The following RAB3GAP1 variants were observed in gnomAD, a reference collection of about 807,000 sequenced individuals.
RAB3GAP1 encodes RAB3 GTPase activating protein catalytic subunit 1.
A neutral mutation model predicts 130.7 loss-of-function variants in RAB3GAP1; 86 were observed. The ratio of observed to expected loss-of-function variants is 0.66; its 90% CI spans 0.55 to 0.79. The LOEUF (loss-of-function observed/expected upper bound fraction) is 0.79, where lower values mean the gene tolerates loss of function less well. RAB3GAP1 is among the 30% of genes least tolerant of loss of function. The pLI is 0.00. For missense variants in RAB3GAP1, 1,029 were observed against 1,169.4 expected (o/e 0.88, Z 1.75); for synonymous variants, 367 against 401.7 (o/e 0.91, Z 1.03).
chr2:135,081,911 C>T (rs549535643), intron 3 of RAB3GAP1, among the ~76,000 whole-genome samples: 4 of 152,064 alleles, frequency 2.6e-5, no homozygotes, highest in Middle Eastern at 3.4e-3. Context: ...GAGGCCGAGA[C>T]GGGTGGATCA....
In RAB3GAP1 at chr2:135,162,645, G is replaced by A. The variant is rs1041952387; in HGVS notation, c.2380G>A (p.Glu794Lys). 6.2e-7 allele frequency: 1 copy of A among 1,613,714 alleles called. No homozygotes were observed. The highest frequency in any genetic ancestry group is 1.7e-5 in the Admixed American group (1 of 60,018). The change falls in exon 20 of 24, where the codon GAA becomes AAA. Residue 794 changes from glutamate (E) to lysine (K), a missense_variant. Coordinates refer to ENST00000264158, the MANE Select transcript of RAB3GAP1 (RefSeq NM_012233.3). ...VIHAAVLKVK[E>K]EESLENISSV... ...TCATGCAGCTGTACTCAAGGTAAAG[G>A]AAGAAGGTAAATGTCATATTTAACT...
intron 17 of RAB3GAP1, among the ~76,000 whole-genome samples, chr2:135,136,324 C>T (rs1285560371): frequency 6.6e-6 from 1 of 151,158 alleles, no homozygotes; most frequent in African/African-American, 2.4e-5. Context: ...AGACTCTTGT[C>T]TCAAAAGAAA....
chr2:135,163,017 C>A lies in RAB3GAP1; in HGVS notation c.2522C>A (p.Ala841Asp), dbSNP rs1458812220. ...ATTCACCAGATTACTAATGTGGAAG[C>A]TCTCATTGCCAGAGCTCGGTCACTA... is the stretch of plus-strand genomic sequence containing the variant. ...EIIHQITNVE[A>D]LIARARSLKA... is the part of the protein sequence containing the mutation. Residue 841 changes from alanine (A) to aspartate (D), a missense_variant, in exon 22 of 24, where the codon GCT (alanine) becomes GAT (aspartate). By Grantham distance (126) the Ala-to-Asp change is moderately radical. Coordinates refer to ENST00000264158, the MANE Select transcript of RAB3GAP1 (RefSeq NM_012233.3). The A allele has an allele frequency of 6.2e-7, 1 of 1,613,888 alleles. No individual in the cohort carries two copies. The highest frequency in any genetic ancestry group is 1.7e-5 in the Admixed American group (1 of 60,026).
chr2:135,144,089 G>C (rs1439674389), intron 17 of RAB3GAP1, among the ~76,000 whole-genome samples: 1 of 152,214 alleles, frequency 6.6e-6, no homozygotes, highest in Non-Finnish European at 1.5e-5. Flanking sequence ...CGCCAGGCTT[G>C]TGCACCAGCT....
At position 135,135,621 on chromosome 2, in the gene RAB3GAP1, G is replaced by A. The variant is rs886044622; in HGVS notation, c.1612G>A (p.Ala538Thr). ...KARDEGKKTS[A>T]SDVTNIYPGD... ...ACGTGATGAGGGGAAAAAGACAAGT[G>A]CTTCAGATGTCACTAATATATATCC... Residue 538 changes from alanine to threonine, a missense_variant, in exon 17 of 24, where the codon GCT becomes ACT. Ala to Thr is a moderately conservative substitution (Grantham distance 58). Coordinates refer to ENST00000264158, the MANE Select transcript of RAB3GAP1 (RefSeq NM_012233.3). 1.3e-5 allele frequency: 21 copies of A among 1,611,016 alleles called. No individual in the cohort carries two copies. Among genetic ancestry groups the A allele is most frequent in the African/African-American group, 2.7e-5 (2 of 74,596 alleles).
chr2:135,084,578 C>T (rs1243263050), intron 3 of RAB3GAP1, among the ~76,000 whole-genome samples: 1 of 152,004 alleles, frequency 6.6e-6, no homozygotes. Context: ...GGGTTGTTTG[C>T]TATTTCAGCT....
At chr2:135,166,033 G>A (rs913547430) in intron 23 of RAB3GAP1, among the ~76,000 whole-genome samples, 4 of 152,032 alleles carry the variant, frequency 2.6e-5, no homozygotes, top group Non-Finnish European at 4.4e-5. Flanking sequence ...TTAGCTGGGC[G>A]TGGTGGTGAG....
At position 135,052,333 on chromosome 2, in the gene RAB3GAP1, C is replaced by T; in HGVS notation, c.18+8C>T. Reference sequence around the variant, plus strand: ...ATGGCTGCCGACAGTGAGGTGATTTCTTTGCTCCCTACTTAATCCTTGTCA... The same window carrying T: ...ATGGCTGCCGACAGTGAGGTGATTTTTTTGCTCCCTACTTAATCCTTGTCA... On this transcript the variant is annotated splice_region_variant and intron_variant, in intron 1 of 23. Coordinates refer to ENST00000264158, the MANE Select transcript of RAB3GAP1 (RefSeq NM_012233.3). The T allele has an allele frequency of 6.2e-7, 1 of 1,614,066 alleles. No homozygotes were observed. Among genetic ancestry groups the T allele is most frequent in the Non-Finnish European group, 8.5e-7 (1 of 1,180,012 alleles).
intron 3 of RAB3GAP1, among the ~76,000 whole-genome samples, chr2:135,059,518 T>C (rs2104824061): frequency 6.6e-6 from 1 of 152,284 alleles, no homozygotes; most frequent in Non-Finnish European, 1.5e-5. Context: ...TTTTTTAAAT[T>C]GATATATGAT....
In RAB3GAP1 at chr2:135,164,681, T is replaced by C; in HGVS notation, c.2694T>C (p.Phe898=). Residue 898 remains phenylalanine, a synonymous_variant, in exon 23 of 24, where the codon TTT becomes TTC. Transcript: ENST00000264158. ...GHAGRIIHKL[F]VNAQRAAAMT... is the part of the protein sequence containing the mutation. The stretch of plus-strand genomic sequence containing the variant: ...CTGGCAGGATCATTCACAAGCTGTT[T>C]GTGAATGCCCAGAGGGTATGTGAGA... 1 of 1,608,326 alleles carries C rather than the reference T, an allele frequency of 6.2e-7. No individual in the cohort carries two copies. Among genetic ancestry groups the C allele is most frequent in the Non-Finnish European group, 8.5e-7 (1 of 1,175,120 alleles).
chr2:135,125,668 A>ATTGTC (rs1691328043), intron 9 of RAB3GAP1, among the ~76,000 whole-genome samples: 1 of 152,244 alleles, frequency 6.6e-6, no homozygotes, highest in Non-Finnish European at 1.5e-5. Context: ...GGCAGGTAGC[A>ATTGTC]TAGACAGTGT....
chr2:135,151,367 A>G (rs1260970257), intron 18 of RAB3GAP1, among the ~76,000 whole-genome samples: 2 of 152,070 alleles, frequency 1.3e-5, no homozygotes, highest in Non-Finnish European at 2.9e-5. Context: ...CTGCTTCTGT[A>G]CTGTTTAGGC....
downstream of RAB3GAP1, among the ~76,000 whole-genome samples, chr2:135,173,257 A>C (rs1012165140): frequency 4.6e-5 from 7 of 151,970 alleles, no homozygotes; most frequent in Non-Finnish European, 1.5e-5. Context: ...ATAAATTGGG[A>C]AACATAGATA....
At chr2:135,084,195 A>C (rs1249309713) in intron 3 of RAB3GAP1, among the ~76,000 whole-genome samples, 1 of 152,204 alleles carries the variant, frequency 6.6e-6, no homozygotes, top group African/African-American at 2.4e-5. Flanking sequence ...CAATGAGCCG[A>C]GATCACTCCA....
At chr2:135,076,262 T>C (rs1689633262) in intron 3 of RAB3GAP1, among the ~76,000 whole-genome samples, 2 of 152,184 alleles carry the variant, frequency 1.3e-5, no homozygotes. Context: ...ACATGATTCT[T>C]ATTTTTGATA....
chr2:135,130,549 T>C lies in RAB3GAP1; in HGVS notation c.1067-3T>C. On this transcript the variant is annotated splice_region_variant and splice_polypyrimidine_tract_variant and intron_variant, in intron 12 of 23. Coordinates refer to ENST00000264158, the MANE Select transcript of RAB3GAP1 (RefSeq NM_012233.3). ...TTTATATTTATTTCTGTTCTTTTTA[T>C]AGAAACTGCTGATATAACTCATGCT... The C allele has an allele frequency of 6.2e-7, 1 of 1,610,572 alleles. No individual in the cohort carries two copies. Among genetic ancestry groups the C allele is most frequent in the South Asian group, 1.1e-5 (1 of 90,628 alleles).
chr2:135,096,641 C>T lies in RAB3GAP1; in HGVS notation c.362+2948C>T, dbSNP rs187711411. 3.0e-4 allele frequency among the ~76,000 whole-genome samples: 45 copies of T among 152,274 alleles called. 1 individual carries two copies. The highest frequency in any genetic ancestry group is 1.1e-3 in the African/African-American group (45 of 41,560). On this transcript the variant is annotated intron_variant, in intron 5 of 23. Transcript: ENST00000264158. ...GCTTTGTATGCATTAATTCATTCAACATTAATTGAACACTTACTTACTGTT... is the reference window on the plus strand; with the variant it reads ...GCTTTGTATGCATTAATTCATTCAATATTAATTGAACACTTACTTACTGTT...
At chr2:135,150,333 G>C (rs759805582) in intron 17 of RAB3GAP1, 36 bp from the exon 18 acceptor site, 1 of 1,613,136 alleles carries the variant, frequency 6.2e-7, no homozygotes, top group Admixed American at 1.7e-5. Context: ...TTCTAAAAAG[G>C]GCTGTTTATG....
chr2:135,168,954 T>C lies in RAB3GAP1; in HGVS notation c.*173T>C, dbSNP rs1047205556. 2.9e-6 allele frequency: 2 copies of C among 678,614 alleles called. No homozygotes were observed. Among genetic ancestry groups the C allele is most frequent in the Admixed American group, 2.1e-5 (1 of 46,788 alleles). The allele number at this position is 678,614 out of a possible 1,614,324, so 42.0% of individuals were successfully genotyped here. A position where few individuals can be genotyped will look rare whatever the true frequency, so the allele number is the denominator to read the frequency against. On this transcript the variant is annotated 3_prime_UTR_variant, in exon 24 of 24. Coordinates refer to ENST00000264158, the MANE Select transcript of RAB3GAP1 (RefSeq NM_012233.3). ...CAGCACCAAGCTTGAGCTGTGTCGT[T>C]TCGTGGAGGGGGCAGCGAGGATGGG...
Sources: gnomAD v4.1 joint callset for allele counts (sites outside exome capture counted in the v4.1 genomes callset) on GRCh38, gnomAD v4.1.1 for gene constraint, MANE v1.5 for transcripts, NCBI Gene and HGNC (gene_info 2026-07-23, HGNC 2026-07-21) for gene names.